CAMTA1: variants seen among roughly 807,000 people sequenced by gnomAD.
The protein encoded by CAMTA1 is calmodulin binding transcription activator 1.
Under a neutral mutation model 170.9 loss-of-function variants are expected in CAMTA1, and 27 were observed. The observed-to-expected ratio is 0.16, with a 90% confidence interval of 0.12 to 0.22. The LOEUF (loss-of-function observed/expected upper bound fraction) is 0.22. CAMTA1 is among the 10% of genes least tolerant of loss of function. CAMTA1 has a pLI of 1.00. For missense variants in CAMTA1, 1,619 were observed against 2,217.2 expected, an observed-to-expected ratio of 0.73 and a Z score of 5.42; for synonymous variants, 833 against 891.5, an observed-to-expected ratio of 0.93 and a Z score of 1.17.
chr1:7,117,213 C>T (rs895041259), intron 4 of CAMTA1, among the ~76,000 whole-genome samples: 10 of 152,112 alleles, frequency 6.6e-5, no homozygotes, highest in Non-Finnish European at 1.0e-4. Flanking sequence ...TCAGGTGATC[C>T]GCCCGCCTCA....
intron 4 of CAMTA1, among the ~76,000 whole-genome samples, chr1:7,184,422 C>G (rs993749674): frequency 2.0e-5 from 3 of 151,990 alleles, no homozygotes; most frequent in African/African-American, 7.2e-5. Flanking sequence ...ATGGACACAC[C>G]ATTTATCCTG....
At chr1:7,514,224 A>G (rs1320329875) in intron 6 of CAMTA1, among the ~76,000 whole-genome samples, 1 of 152,200 alleles carries the variant, frequency 6.6e-6, no homozygotes, top group Non-Finnish European at 1.5e-5. Context: ...TCCCTAGCAC[A>G]AGGAGGAAAG....
At chr1:7,485,645 C>T (rs1262141706) in intron 6 of CAMTA1, among the ~76,000 whole-genome samples, 1 of 152,170 alleles carries the variant, frequency 6.6e-6, no homozygotes, top group Non-Finnish European at 1.5e-5. Flanking sequence ...AGAGCCCCTC[C>T]CACTGAGTCA....
At chr1:6,811,048 G>GTCT (rs1257757884) in intron 1 of CAMTA1, among the ~76,000 whole-genome samples, 1 of 152,154 alleles carries the variant, frequency 6.6e-6, no homozygotes, top group African/African-American at 2.4e-5. Flanking sequence ...TGTGCCCTTT[G>GTCT]TCTTCATGTG....
At chr1:7,734,110 G>T (rs943843491) in intron 12 of CAMTA1, among the ~76,000 whole-genome samples, 2 of 152,118 alleles carry the variant, frequency 1.3e-5, no homozygotes, top group Non-Finnish European at 2.9e-5. Flanking sequence ...ACCACGCCTG[G>T]CTAATTTTGT....
At chr1:7,082,558 A>G (rs957018401) in intron 3 of CAMTA1, among the ~76,000 whole-genome samples, 2 of 152,042 alleles carry the variant, frequency 1.3e-5, no homozygotes, top group African/African-American at 2.4e-5. Flanking sequence ...ATAAAACTCC[A>G]TTGCCTGGCA....
chr1:6,895,318 C>T (rs1262463097), intron 3 of CAMTA1, among the ~76,000 whole-genome samples: 1 of 152,116 alleles, frequency 6.6e-6, no homozygotes, highest in Non-Finnish European at 1.5e-5. Context: ...TTCCCCATCC[C>T]AGACACCCAT....
chr1:7,328,198 T>C (rs1442909607), intron 5 of CAMTA1, among the ~76,000 whole-genome samples: 1 of 152,150 alleles, frequency 6.6e-6, no homozygotes, highest in East Asian at 1.9e-4. Flanking sequence ...TTTCAGAAGC[T>C]CTAAAAATTC....
intron 6 of CAMTA1, among the ~76,000 whole-genome samples, chr1:7,512,830 G>T (rs1003357590): frequency 2.0e-5 from 3 of 152,174 alleles, no homozygotes; most frequent in Non-Finnish European, 4.4e-5. Context: ...GGGAGGGAGG[G>T]AGCCAGGAGA....
At chr1:7,132,075 A>ACG (rs779935752) in intron 4 of CAMTA1, among the ~76,000 whole-genome samples, 1 of 151,292 alleles carries the variant, frequency 6.6e-6, no homozygotes, top group Non-Finnish European at 1.5e-5. Flanking sequence ...ACACACACGC[A>ACG]CACACACTCC....
At chr1:7,602,799 A>G (rs1264977493) in intron 6 of CAMTA1, among the ~76,000 whole-genome samples, 1 of 152,244 alleles carries the variant, frequency 6.6e-6, no homozygotes, top group Admixed American at 6.5e-5. Context: ...ATTTAGTGCT[A>G]TAAATTTCCC....
intron 6 of CAMTA1, among the ~76,000 whole-genome samples, chr1:7,515,445 C>G (rs2094270711): frequency 6.6e-6 from 1 of 152,214 alleles, no homozygotes; most frequent in Non-Finnish European, 1.5e-5. Context: ...TGCCCAATTT[C>G]CTCATGGGCT....
At chr1:7,317,445 G>A (rs1574637878) in intron 5 of CAMTA1, among the ~76,000 whole-genome samples, 1 of 152,194 alleles carries the variant, frequency 6.6e-6, no homozygotes, top group Admixed American at 6.5e-5. Flanking sequence ...TCACTGTGAG[G>A]GTTCAGTGAA....
intron 4 of CAMTA1, among the ~76,000 whole-genome samples, chr1:7,196,997 G>A (rs963796406): frequency 3.9e-5 from 6 of 152,260 alleles, no homozygotes; most frequent in African/African-American, 1.2e-4. Flanking sequence ...ATGATCTAAC[G>A]TTAGTCATTT....
chr1:6,987,196 T>C (rs1395493230), intron 3 of CAMTA1, among the ~76,000 whole-genome samples: 1 of 149,650 alleles, frequency 6.7e-6, no homozygotes, highest in Non-Finnish European at 1.5e-5. Flanking sequence ...AGAGTCTCAC[T>C]CTGTCACCCA....
chr1:7,399,434 T>C (rs2089712481), intron 5 of CAMTA1, among the ~76,000 whole-genome samples: 1 of 152,224 alleles, frequency 6.6e-6, no homozygotes, highest in Admixed American at 6.5e-5. Context: ...CTTTATAAGC[T>C]ACCCAGCCTC....
chr1:7,462,159 C>T (rs1312876124), intron 5 of CAMTA1, among the ~76,000 whole-genome samples: 3 of 152,276 alleles, frequency 2.0e-5, no homozygotes, highest in Admixed American at 6.5e-5. Flanking sequence ...CAGAGTTTCA[C>T]TCTTGTTGCC....
intron 7 of CAMTA1, among the ~76,000 whole-genome samples, chr1:7,646,483 C>A (rs1481400747): frequency 3.6e-5 from 5 of 139,682 alleles, no homozygotes; most frequent in African/African-American, 1.1e-4. Flanking sequence ...GGGTGGAGGC[C>A]ATGGTGACTG....
At chr1:7,667,676 C>CT (rs1290999649) in intron 9 of CAMTA1, among the ~76,000 whole-genome samples, 1 of 152,178 alleles carries the variant, frequency 6.6e-6, no homozygotes, top group African/African-American at 2.4e-5. Flanking sequence ...CTGACTCCTT[C>CT]TGTCCTTTCT....
Sources: allele counts gnomAD v4.1 joint callset (sites outside exome capture counted in the v4.1 genomes callset), GRCh38; gene constraint gnomAD v4.1.1; transcripts MANE v1.5; gene names NCBI Gene and HGNC (gene_info 2026-07-23, HGNC 2026-07-21).